The following ISG20 variants were observed in gnomAD, a reference collection of about 807,000 sequenced individuals.
The protein encoded by ISG20 is interferon-stimulated gene 20 kDa protein.
Under a neutral mutation model 11.1 loss-of-function variants are expected in ISG20, and 8 were observed. The ratio of observed to expected loss-of-function variants is 0.72; its 90% CI spans 0.42 to 1.30. The LOEUF is 1.30. Ranked by LOEUF, ISG20 falls within the 50% of genes most tolerant of loss-of-function variation. The pLI is 0.01. For synonymous variants in ISG20, 110 were observed against 101.7 expected (o/e 1.08, Z -0.49); for missense variants, 243 against 250.2 (o/e 0.97, Z 0.19).
Position 88,650,099 on chromosome 15 carries a change from C to G in ISG20, c.229-2011C>G, listed in dbSNP as rs2058248297. On this transcript the variant is annotated intron_variant, in intron 2 of 3. Transcript: ENST00000306072. This position sits in a 1 kb window ranked among gnomAD's most constrained non-coding sequence, Gnocchi z 4.0. The stretch of plus-strand genomic sequence containing the variant: ...GGTGTTAGGCACCAGAAGGCTCTTT[C>G]CTGGTGTACAGGCTAAGGTCGTGGG... 1.3e-5 allele frequency: 9 copies of G among 711,542 alleles called. No homozygotes were observed. In the South Asian group the frequency reaches 1.5e-4, roughly 12 times the overall value. The allele number at this position is 711,542 out of a possible 1,614,324, so 44.1% of individuals were successfully genotyped here. A position where few individuals can be genotyped will look rare whatever the true frequency, so the allele number is the denominator to read the frequency against.
At chr15:88,641,084 C>T (rs2058073452) in intron 2 of ISG20, among the ~76,000 whole-genome samples, 1 of 152,048 alleles carries the variant, frequency 6.6e-6, no homozygotes. Context: ...CCTCTGCCTC[C>T]AGGATTCAAG....
chr15:88,643,723 A>C lies in ISG20; in HGVS notation c.228+4129A>C, dbSNP rs1596048414. ...CCATCTCAAAAAAAGAAAAAATTAC[A>C]TCTGTGGCTTGCATTATATTTCTAT... On this transcript the variant is annotated intron_variant, in intron 2 of 3. Transcript: ENST00000306072. The surrounding 1 kb of genome is among the most constrained non-coding windows in gnomAD (Gnocchi z 4.4). 6.6e-6 allele frequency among the ~76,000 whole-genome samples: 1 copy of C among 152,272 alleles called. No homozygotes were observed. The highest frequency in any genetic ancestry group is 1.9e-4 in the East Asian group (1 of 5,186).
chr15:88,651,874 G>A, intron 2 of ISG20: 2 of 1,384,676 alleles, frequency 1.4e-6, no homozygotes, highest in South Asian at 3.0e-5. Context: ...CTCCTACACA[G>A]TTCAGCTCCT....
Position 88,654,553 on chromosome 15 carries a change from C to T in ISG20, c.430-862C>T, listed in dbSNP as rs569041427. ...GCCCGCTGGCTCCCATGCTGGGTAC[C>T]GGCCAGGACACCAGGGCTGAGCGGG... On this transcript the variant is annotated intron_variant, in intron 3 of 3. Transcript: ENST00000306072. Among the ~76,000 whole-genome samples the T allele has an allele frequency of 1.1e-4, 16 of 152,174 alleles. No individual in the cohort carries two copies. The East Asian group carries it at 2.5e-3, about 24-fold the overall frequency.
intron 2 of ISG20, among the ~76,000 whole-genome samples, chr15:88,644,739 G>A (rs1410999634): frequency 6.6e-6 from 1 of 152,066 alleles, no homozygotes; most frequent in Non-Finnish European, 1.5e-5. Flanking sequence ...GGAGGCCCAG[G>A]GACACCACAA....
At chr15:88,637,348 T>C (rs1012300927), upstream of ISG20, 1 of 140,882 alleles carries the variant, frequency 7.1e-6, no homozygotes, top group African/African-American at 2.5e-5. Flanking sequence ...TTTTTTTTTT[T>C]TTTTGGACAT....
rs1425350556 is a variant in ISG20 at position 88,656,260 on chromosome 15, AGT to A, written c.*730_*731del. On this transcript the variant is annotated 3_prime_UTR_variant, in exon 4 of 4. Coordinates refer to ENST00000306072, the MANE Select transcript of ISG20 (RefSeq NM_002201.6). ...CTTAAGCACCCACCAGGTGTCGATAAGTAATTGTTCTTCCCTGGACTGCCTGC... is the reference window on the plus strand; with the variant it reads ...CTTAAGCACCCACCAGGTGTCGATAAAATTGTTCTTCCCTGGACTGCCTGC... 6.6e-5 allele frequency: 10 copies of A among 152,250 alleles called. No homozygotes were observed. The highest frequency in any genetic ancestry group is 2.4e-4 in the African/African-American group (10 of 41,522). The allele number at this position is 152,250 out of a possible 1,614,324, so 9.4% of individuals were successfully genotyped here.
intron 2 of ISG20, among the ~76,000 whole-genome samples, chr15:88,644,631 G>C (rs563084536): frequency 1.6e-4 from 25 of 152,192 alleles, no homozygotes; most frequent in African/African-American, 5.8e-4. Context: ...GAGAATTGGA[G>C]TGAAGAAAAC....
intron 2 of ISG20, chr15:88,647,789 G>A (rs2058203292): frequency 6.6e-6 from 1 of 152,158 alleles, no homozygotes; most frequent in African/African-American, 2.4e-5. Context: ...CATAAGGAGG[G>A]GCATCCACCC....
Position 88,652,297 on chromosome 15 carries a change from ACAAGAGCATCCAGGTGAGAACC to A in ISG20, c.417_429+9del. On this transcript the variant is annotated splice_donor_variant and splice_donor_5th_base_variant and coding_sequence_variant and intron_variant, in exon 3 of 4. Coordinates refer to ENST00000306072, the MANE Select transcript of ISG20 (RefSeq NM_002201.6). LOFTEE classifies it high-confidence loss of function. ...CGGGTGCTGAGTGAGCGCCTCCTAC[ACAAGAGCATCCAGGTGAGAACC>A]TCCTCGTCCTTCTCCTCCTCCCCCC... 1 of 1,612,286 alleles carries A rather than the reference ACAAGAGCATCCAGGTGAGAACC, an allele frequency of 6.2e-7. No individual in the cohort carries two copies. The highest frequency in any genetic ancestry group is 8.5e-7 in the Non-Finnish European group (1 of 1,179,264).
intron 2 of ISG20, among the ~76,000 whole-genome samples, chr15:88,641,872 C>G (rs8032819): frequency 0.048 from 7,254 of 151,224 alleles, 555 homozygotes; most frequent in African/African-American, 0.16. Flanking sequence ...CCTGCCTTGG[C>G]CTCCCAAAGT....
At position 88,639,163 on chromosome 15, in the gene ISG20, G is replaced by A. The variant is rs2058035683; in HGVS notation, c.-25+87G>A. 5.0e-6 allele frequency: 3 copies of A among 595,916 alleles called. No homozygotes were observed. In the Admixed American group the frequency reaches 9.1e-5, roughly 18 times the overall value. 36.9% of individuals were successfully genotyped at this position (595,916 alleles called of 1,614,324 possible). On this transcript the variant is annotated intron_variant, in intron 1 of 3. Transcript: ENST00000306072. The surrounding 1 kb of genome is among the most constrained non-coding windows in gnomAD (Gnocchi z 4.2). ...GGCTGCGGGGCAGGCCAGAGGCCCT[G>A]GGACACACGGGCAGGGTAAGGCAGG...
chr15:88,639,598 A>C lies in ISG20; in HGVS notation c.228+4A>C. On this transcript the variant is annotated splice_donor_region_variant and intron_variant, in intron 2 of 3. Coordinates refer to ENST00000306072, the MANE Select transcript of ISG20 (RefSeq NM_002201.6). This position sits in a 1 kb window ranked among gnomAD's most constrained non-coding sequence, Gnocchi z 4.2. ...ATTTGCCGTGGCCAGGCTAGAGGTG[A>C]GTGAAGGCCCGGCCAGCAGGGGCTT... is the stretch of plus-strand genomic sequence containing the variant. 1.2e-6 allele frequency: 2 copies of C among 1,611,468 alleles called. No individual in the cohort carries two copies. Among genetic ancestry groups the C allele is most frequent in the Non-Finnish European group, 1.7e-6 (2 of 1,177,796 alleles).
intron 2 of ISG20, among the ~76,000 whole-genome samples, chr15:88,641,926 C>CTT (rs140178121): frequency 1.6e-4 from 16 of 102,846 alleles, no homozygotes; most frequent in African/African-American, 5.3e-4. Context: ...TTAGCTTCCT[C>CTT]TTTTTTTTTT....
intron 2 of ISG20, 148 bp from the exon 3 acceptor site, chr15:88,651,962 C>T (rs2058280843): frequency 6.9e-7 from 1 of 1,458,930 alleles, no homozygotes; most frequent in African/African-American, 1.4e-5. Context: ...CTCTTCTTTT[C>T]AAAGATGATA....
chr15:88,639,365 A>G lies in ISG20; in HGVS notation c.-2A>G, dbSNP rs3200942. ...CAGCATCTCTGAGGGTCCCCAAGGA[A>G]CATGGCTGGGAGCCGTGAGGTGGTG... is the stretch of plus-strand genomic sequence containing the variant. On this transcript the variant is annotated 5_prime_UTR_variant, in exon 2 of 4. Coordinates refer to ENST00000306072, the MANE Select transcript of ISG20 (RefSeq NM_002201.6). The surrounding 1 kb of genome is among the most constrained non-coding windows in gnomAD (Gnocchi z 4.2). The G allele has an allele frequency of 0.47, 761,748 of 1,606,626 alleles. 185,386 individuals carry two copies. The highest frequency in any genetic ancestry group is 0.5 in the Non-Finnish European group (590,618 of 1,175,308).
intron 2 of ISG20, among the ~76,000 whole-genome samples, chr15:88,645,417 T>C (rs2141395423): frequency 6.6e-6 from 1 of 152,186 alleles, no homozygotes; most frequent in African/African-American, 2.4e-5. Flanking sequence ...AACTGCGGTC[T>C]TCGATGCTGA....
In ISG20 at chr15:88,639,708, C is replaced by T. The variant is rs2058049218; in HGVS notation, c.228+114C>T. On this transcript the variant is annotated intron_variant, in intron 2 of 3. Transcript: ENST00000306072. The surrounding 1 kb of genome is among the most constrained non-coding windows in gnomAD (Gnocchi z 4.2). ...GTGACCCCACTTGTAAGATTTCCCACACTGCTGTTGGGAGAAAGCCGGTGG... is the reference window on the plus strand; with the variant it reads ...GTGACCCCACTTGTAAGATTTCCCATACTGCTGTTGGGAGAAAGCCGGTGG... 2.6e-6 allele frequency: 2 copies of T among 781,032 alleles called. No individual in the cohort carries two copies. The highest frequency in any genetic ancestry group is 4.2e-6 in the Non-Finnish European group (2 of 481,616). The allele number at this position is 781,032 out of a possible 1,614,324, so 48.4% of individuals were successfully genotyped here. A position where few individuals can be genotyped will look rare whatever the true frequency, so the allele number is the denominator to read the frequency against.
At chr15:88,645,120 G>T (rs1196497884) in intron 2 of ISG20, among the ~76,000 whole-genome samples, 1 of 152,184 alleles carries the variant, frequency 6.6e-6, no homozygotes, top group African/African-American at 2.4e-5. Flanking sequence ...TGAGGCAGGG[G>T]TTCAAAGACC....
Sources: gnomAD v4.1 joint callset for allele counts (sites outside exome capture counted in the v4.1 genomes callset) on GRCh38, gnomAD v4.1.1 for gene constraint, Gnocchi (gnomAD v3.1) non-coding constraint, MANE v1.5 for transcripts, NCBI Gene and HGNC (gene_info 2026-07-23, HGNC 2026-07-21) for gene names.